The following KLHL13 variants were observed in gnomAD, a reference collection of about 807,000 sequenced individuals.
KLHL13 encodes the protein kelch-like protein 13.
A neutral mutation model predicts 37.1 loss-of-function variants in KLHL13; 10 were observed. The ratio of observed to expected loss-of-function variants is 0.27; its 90% CI spans 0.17 to 0.46. The LOEUF (loss-of-function observed/expected upper bound fraction) is 0.46. Ranked by LOEUF, KLHL13 falls within the 20% of genes least tolerant of loss-of-function variation. The pLI is 1.00. For missense variants in KLHL13, 360 were observed against 509.3 expected, an observed-to-expected ratio of 0.71 and a Z score of 2.82; for synonymous variants, 163 against 181.2, an observed-to-expected ratio of 0.90 and a Z score of 0.81.
intron 2 of KLHL13, among the ~76,000 whole-genome samples, chrX:117,933,691 T>C (rs1180779175): frequency 9.0e-6 from 1 of 110,893 alleles, no homozygotes; most frequent in Non-Finnish European, 1.9e-5. Flanking sequence ...TATAGCAAAG[T>C]AGCATCTCTT....
At chrX:118,037,273 T>C (rs1244758686) in intron 1 of KLHL13, among the ~76,000 whole-genome samples, 3 of 84,031 alleles carry the variant, frequency 3.6e-5, no homozygotes, top group East Asian at 3.7e-4. Context: ...TAAATCATGC[T>C]GCTATAAAGA....
At chrX:117,920,397 C>T in intron 2 of KLHL13, 27 bp from the exon 4 acceptor site, 1 of 1,192,971 alleles carries the variant, frequency 8.4e-7, no homozygotes, top group Non-Finnish European at 1.1e-6. Flanking sequence ...AGTTGAGTCA[C>T]TAATCAAGGT....
intron 1 of KLHL13, among the ~76,000 whole-genome samples, chrX:118,025,020 T>C (rs969844218): frequency 8.9e-6 from 1 of 112,522 alleles, no homozygotes; most frequent in African/African-American, 3.2e-5. Context: ...GTTGCATATT[T>C]AAACAATGAA....
chrX:117,948,792 C>A (rs1448705015), intron 1 of KLHL13, among the ~76,000 whole-genome samples: 9 of 111,906 alleles, frequency 8.0e-5, no homozygotes, highest in Admixed American at 2.9e-4. Flanking sequence ...ACAAAGTGTA[C>A]GTGAATCACT....
intron 1 of KLHL13, among the ~76,000 whole-genome samples, chrX:117,990,442 G>A (rs2053775379): frequency 9.0e-6 from 1 of 111,586 alleles, no homozygotes; most frequent in African/African-American, 3.3e-5. Flanking sequence ...CCTAGGCCAG[G>A]GAATATTGAA....
chrX:117,901,997 A>G, intron 5 of KLHL13, 51 bp from the exon 7 acceptor site: 4 of 666,739 alleles, frequency 6.0e-6, no homozygotes. Context: ...AAATTTAGCA[A>G]TTAATTATTT....
intron 1 of KLHL13, among the ~76,000 whole-genome samples, chrX:117,989,223 T>C (rs1286932199): frequency 9.0e-6 from 1 of 110,706 alleles, no homozygotes; most frequent in Non-Finnish European, 1.9e-5. Context: ...TTTTTAACAG[T>C]TTCATTTTCA....
chrX:117,972,177 A>G (rs1488448550), intron 1 of KLHL13, among the ~76,000 whole-genome samples: 1 of 112,243 alleles, frequency 8.9e-6, no homozygotes, highest in African/African-American at 3.2e-5. Context: ...CACAAATTCA[A>G]ACTTACACTT....
Position 118,087,454 on chromosome X carries a change from A to G in KLHL13, c.-56+29054T>C, listed in dbSNP as rs183617309. 1.2e-3 allele frequency among the ~76,000 whole-genome samples: 130 copies of G among 109,913 alleles called. 1 individual carries two copies. Among genetic ancestry groups the G allele is most frequent in the African/African-American group, 4.2e-3 (126 of 30,281 alleles). On this transcript the variant is annotated intron_variant, in intron 1 of 6. Transcript: ENST00000371882. The stretch of plus-strand genomic sequence containing the variant: ...CATTTATTCATTTATCTATTTACTT[A>G]TATAAATTTATCTTAGGTTAATTAA...
chrX:117,900,195 A>G (rs1288058784), intron 6 of KLHL13, among the ~76,000 whole-genome samples: 2 of 112,517 alleles, frequency 1.8e-5, no homozygotes, highest in Non-Finnish European at 3.8e-5. Flanking sequence ...CCTTCTGTAG[A>G]CAAGGGAAAG....
At chrX:118,036,613 A>C (rs2148048137) in intron 1 of KLHL13, among the ~76,000 whole-genome samples, 1 of 112,059 alleles carries the variant, frequency 8.9e-6, no homozygotes, top group East Asian at 2.8e-4. Flanking sequence ...TAAAGACTTA[A>C]ATGTTAGACC....
rs543627834 is a variant in KLHL13 at position 118,100,245 on chromosome X, T to G, written c.-56+16263A>C. On this transcript the variant is annotated intron_variant, in intron 1 of 6. Coordinates refer to the KLHL13 transcript ENST00000371882. ...AGAGTTCATGCCACTAGTTAATTTA[T>G]GCAGTCTCCGAATGGCTGGCAAAAT... Among the ~76,000 whole-genome samples, 60 of 112,084 alleles carry G rather than the reference T, an allele frequency of 5.4e-4. 1 individual carries two copies. The South Asian group carries it at 0.022, about 42-fold the overall frequency.
At chrX:118,051,409 C>T (rs1027544538) in intron 1 of KLHL13, among the ~76,000 whole-genome samples, 25 of 108,876 alleles carry the variant, frequency 2.3e-4, no homozygotes, top group Admixed American at 3.0e-4. Context: ...GGCGTGGTGG[C>T]GGGCACCTGT....
chrX:118,007,160 G>A (rs2053993664), intron 1 of KLHL13, among the ~76,000 whole-genome samples: 1 of 110,428 alleles, frequency 9.1e-6, no homozygotes, highest in African/African-American at 3.3e-5. Flanking sequence ...TATAAGCCCA[G>A]CACTTTGGGA....
chrX:118,010,850 A>C (rs778718370), intron 1 of KLHL13, among the ~76,000 whole-genome samples: 62 of 110,663 alleles, frequency 5.6e-4, no homozygotes, highest in African/African-American at 2.0e-3. Context: ...AGGTGGGTGA[A>C]TCACTTGAGC....
chrX:117,953,233 T>G (rs1933724724), intron 1 of KLHL13, among the ~76,000 whole-genome samples: 1 of 110,943 alleles, frequency 9.0e-6, no homozygotes. Flanking sequence ...CCATAAAAAA[T>G]GATGAGTTCA....
At chrX:117,940,550 C>T (rs995547902) in intron 2 of KLHL13, among the ~76,000 whole-genome samples, 6 of 111,654 alleles carry the variant, frequency 5.4e-5, no homozygotes, top group Admixed American at 2.9e-4. Flanking sequence ...TCCATTTTCA[C>T]GATACTGATT....
At chrX:118,073,062 A>G (rs748688477) in intron 1 of KLHL13, among the ~76,000 whole-genome samples, 1 of 108,766 alleles carries the variant, frequency 9.2e-6, no homozygotes, top group South Asian at 4.2e-4. Flanking sequence ...CCACTGCACT[A>G]TCACCTGGGT....
exon 1 of KLHL13, chrX:117,972,820 C>T (rs1569430354): frequency 1.7e-6 from 2 of 1,210,923 alleles, no homozygotes; most frequent in Non-Finnish European, 1.1e-6. Context: ...TTTTCCATTT[C>T]AATGGCATGT....
Sources: allele counts gnomAD v4.1 joint callset (sites outside exome capture counted in the v4.1 genomes callset), GRCh38; gene constraint gnomAD v4.1.1; transcripts MANE v1.5; gene names NCBI Gene and HGNC (gene_info 2026-07-23, HGNC 2026-07-21).